Variants in CACNA2D1 observed in about 807,000 individuals in gnomAD.
The protein encoded by CACNA2D1 is voltage-dependent calcium channel subunit alpha-2/delta-1.
In CACNA2D1, 53 loss-of-function variants were observed where a neutral mutation model predicts 171.5. The observed-to-expected ratio is 0.31, with a 90% CI of 0.25 to 0.39. The LOEUF (loss-of-function observed/expected upper bound fraction) is 0.39, where lower values mean the gene tolerates loss of function less well. CACNA2D1 is among the 10% of genes least tolerant of loss of function. CACNA2D1 has a pLI of 1.00. For missense variants in CACNA2D1, 903 were observed against 1,299.8 expected (o/e 0.69, Z 4.69); for synonymous variants, 442 against 443.1 (o/e 1.00, Z 0.03).
intron 2 of CACNA2D1, among the ~76,000 whole-genome samples, chr7:82,343,924 C>T (rs868446795): frequency 4.6e-5 from 7 of 152,238 alleles, no homozygotes; most frequent in Middle Eastern, 3.4e-3. Flanking sequence ...TTAATTTGCC[C>T]ATAACTGTCA....
intron 10 of CACNA2D1, among the ~76,000 whole-genome samples, chr7:82,042,473 AGT>A (rs1353896357): frequency 6.6e-6 from 1 of 152,190 alleles, no homozygotes; most frequent in Non-Finnish European, 1.5e-5. Context: ...TTCTTGTAAA[AGT>A]GTGTATTTAA....
chr7:82,097,667 AAG>A (rs1483032514), intron 6 of CACNA2D1, among the ~76,000 whole-genome samples: 4 of 152,194 alleles, frequency 2.6e-5, no homozygotes, highest in African/African-American at 9.7e-5. Context: ...TTGTTTAAAA[AAG>A]GCAATCAGAG....
intron 4 of CACNA2D1, among the ~76,000 whole-genome samples, chr7:82,153,423 A>G (rs1438536540): frequency 6.6e-6 from 1 of 152,084 alleles, no homozygotes; most frequent in Non-Finnish European, 1.5e-5. Context: ...AATAAGTTTA[A>G]TCATTACAAA....
At chr7:82,088,825 A>G (rs1442190107) in intron 6 of CACNA2D1, among the ~76,000 whole-genome samples, 1 of 151,934 alleles carries the variant, frequency 6.6e-6, no homozygotes, top group Non-Finnish European at 1.5e-5. Flanking sequence ...TGGTTTTGTT[A>G]AAGACAATTT....
chr7:82,192,469 T>C (rs1798413061), intron 3 of CACNA2D1, among the ~76,000 whole-genome samples: 1 of 1,644 alleles, frequency 6.1e-4, no homozygotes, highest in African/African-American at 1.5e-3. Flanking sequence ...TTTGTGTGTG[T>C]GTGTGTGTGT....
intron 21 of CACNA2D1, among the ~76,000 whole-genome samples, chr7:81,989,406 C>T (rs1012460169): frequency 2.6e-5 from 4 of 152,116 alleles, no homozygotes; most frequent in Admixed American, 2.6e-4. Context: ...TAACGATAGA[C>T]GATGGAGATA....
rs1322915620 is a variant in CACNA2D1, at chr7:81,952,305, A to G, written c.3160-1797T>C. On this transcript the variant is annotated intron_variant, in intron 38 of 38. Transcript: ENST00000356860. ...ATTTTACAAAGATTCTAAGCTCCCA[A>G]AGAATAAGAACTTTGGCTCTTTTTG... 4.6e-5 allele frequency among the ~76,000 whole-genome samples: 7 copies of G among 152,206 alleles called. No homozygotes were observed. In the East Asian group the frequency reaches 1.2e-3, roughly 25 times the overall value.
At chr7:82,431,170 T>C (rs566724359) in intron 1 of CACNA2D1, among the ~76,000 whole-genome samples, 55 of 152,306 alleles carry the variant, frequency 3.6e-4, no homozygotes, top group Admixed American at 2.2e-3. Flanking sequence ...GCACAGGTTT[T>C]AGGAGGAGAC....
At chr7:82,199,826 ACAT>A (rs1799230884) in intron 3 of CACNA2D1, among the ~76,000 whole-genome samples, 1 of 152,110 alleles carries the variant, frequency 6.6e-6, no homozygotes, top group South Asian at 2.1e-4. Context: ...ACATGAAGGT[ACAT>A]CATTACGAGA....
In CACNA2D1 at chr7:82,260,719, G is replaced by A. The variant is rs566027779; in HGVS notation, c.294+74416C>T. Among the ~76,000 whole-genome samples the A allele has an allele frequency of 3.4e-4, 51 of 152,228 alleles. No homozygotes were observed. In the South Asian group the frequency reaches 3.7e-3, roughly 11 times the overall value. On this transcript the variant is annotated intron_variant, in intron 3 of 38. Transcript: ENST00000356860. ...TTGCCCAAGGTTGCTCAGTTTAATAGAAACAGATTTTGTCTTAAGGGCTTC... is the reference window on the plus strand; with the variant it reads ...TTGCCCAAGGTTGCTCAGTTTAATAAAAACAGATTTTGTCTTAAGGGCTTC...
At chr7:82,186,374 C>T (rs752197331) in intron 3 of CACNA2D1, among the ~76,000 whole-genome samples, 6 of 152,016 alleles carry the variant, frequency 3.9e-5, no homozygotes, top group Non-Finnish European at 8.8e-5. Flanking sequence ...TGTCTTTATC[C>T]CAGACCTCAA....
intron 6 of CACNA2D1, among the ~76,000 whole-genome samples, chr7:82,093,680 A>G (rs1811506925): frequency 1.3e-5 from 2 of 152,184 alleles, no homozygotes; most frequent in South Asian, 4.1e-4. Context: ...CAAGTGTTCC[A>G]GAAAGCAAAC....
At chr7:82,117,196 G>T in intron 5 of CACNA2D1, 23 bp from the exon 6 acceptor site, 2 of 1,610,894 alleles carry the variant, frequency 1.2e-6, no homozygotes. Context: ...AGAATAAACA[G>T]AATATTACAA....
At chr7:82,363,163 C>G (rs1008045741) in intron 1 of CACNA2D1, among the ~76,000 whole-genome samples, 13 of 150,976 alleles carry the variant, frequency 8.6e-5, no homozygotes, top group Non-Finnish European at 1.9e-4. Flanking sequence ...TAATGCCTAC[C>G]AAAAGAACAC....
intron 3 of CACNA2D1, among the ~76,000 whole-genome samples, chr7:82,217,028 C>A (rs917689281): frequency 1.3e-5 from 2 of 151,598 alleles, no homozygotes; most frequent in Non-Finnish European, 2.9e-5. Flanking sequence ...TGTATAGTTG[C>A]CAAATTTATA....
intron 3 of CACNA2D1, among the ~76,000 whole-genome samples, chr7:82,178,066 C>T (rs2129163603): frequency 6.6e-6 from 1 of 152,202 alleles, no homozygotes; most frequent in South Asian, 2.1e-4. Context: ...CTAGCCTAAG[C>T]TTTAAGGGAG....
At chr7:82,117,236 ACTT>A (rs1183242684) in intron 5 of CACNA2D1, 63 bp from the exon 6 acceptor site, 9 of 1,476,738 alleles carry the variant, frequency 6.1e-6, no homozygotes, top group African/African-American at 4.2e-5. Flanking sequence ...TTTCACATGC[ACTT>A]CTTTACTTGC....
At chr7:82,139,512 T>C (rs1046696346) in intron 4 of CACNA2D1, among the ~76,000 whole-genome samples, 1 of 152,164 alleles carries the variant, frequency 6.6e-6, no homozygotes, top group African/African-American at 2.4e-5. Flanking sequence ...TCTTTCAGAA[T>C]GAGGGTCCAT....
intron 2 of CACNA2D1, among the ~76,000 whole-genome samples, chr7:82,348,225 G>A (rs963944710): frequency 1.2e-4 from 18 of 149,762 alleles, no homozygotes; most frequent in Admixed American, 4.0e-4. Flanking sequence ...AGATTTGGTG[G>A]TACTTCCATA....
Sources: allele counts gnomAD v4.1 joint callset (sites outside exome capture counted in the v4.1 genomes callset), GRCh38; gene constraint gnomAD v4.1.1; transcripts MANE v1.5; gene names NCBI Gene and HGNC (gene_info 2026-07-23, HGNC 2026-07-21).